The following FAM81B variants were observed in gnomAD, a reference collection of about 807,000 sequenced individuals.
FAM81B encodes protein FAM81B.
In FAM81B, 60 loss-of-function variants were observed where a neutral mutation model predicts 58.7. The ratio of observed to expected loss-of-function variants is 1.02; its 90% CI spans 0.83 to 1.27. The LOEUF (loss-of-function observed/expected upper bound fraction) is 1.27, where lower values mean the gene tolerates loss of function less well. Ranked by LOEUF, FAM81B falls within the 50% of genes most tolerant of loss-of-function variation. FAM81B has a pLI of 0.00. For missense variants in FAM81B, 491 were observed against 522.0 expected (o/e 0.94, Z 0.58); for synonymous variants, 189 against 179.6 (o/e 1.05, Z -0.42).
At chr5:95,420,496 T>G in intron 5 of FAM81B, 94 bp downstream of exon 5, 3 of 1,537,838 alleles carry the variant, frequency 2.0e-6, no homozygotes, top group Non-Finnish European at 2.7e-6. Flanking sequence ...AAAAAAGATA[T>G]TGTCTACACA....
chr5:95,430,558 TC>T (rs1744835076), intron 6 of FAM81B, among the ~76,000 whole-genome samples: 1 of 152,050 alleles, frequency 6.6e-6, no homozygotes, highest in Admixed American at 6.6e-5. Context: ...AGTTAACTGC[TC>T]TTGCATAGAT....
chr5:95,409,088 T>G lies in FAM81B; in HGVS notation c.294-4859T>G, dbSNP rs184424878. 2.0e-5 allele frequency among the ~76,000 whole-genome samples: 3 copies of G among 152,384 alleles called. No individual in the cohort carries two copies. In the East Asian group the frequency reaches 5.8e-4, roughly 29 times the overall value. ...TAAAAAGTTCACATTGATTACATGT[T>G]ACAATGACATTTTAGATATAACGGT... is the stretch of plus-strand genomic sequence containing the variant. On this transcript the variant is annotated intron_variant, in intron 3 of 9. Transcript: ENST00000283357.
chr5:95,422,894 A>G (rs983484291), intron 5 of FAM81B, among the ~76,000 whole-genome samples: 3 of 152,192 alleles, frequency 2.0e-5, no homozygotes, highest in Non-Finnish European at 4.4e-5. Flanking sequence ...CCCTTCAATC[A>G]AAAGCAGTGA....
Position 95,408,984 on chromosome 5 carries a change from T to C in FAM81B, c.294-4963T>C, listed in dbSNP as rs899359812. On this transcript the variant is annotated intron_variant, in intron 3 of 9. Coordinates refer to ENST00000283357, the MANE Select transcript of FAM81B (RefSeq NM_152548.3). ...GCACTTGAAATGTGGCTAGTCCAAATTGAGAAGTTGTGCTATAAGTGTATA... is the reference window on the plus strand; with the variant it reads ...GCACTTGAAATGTGGCTAGTCCAAACTGAGAAGTTGTGCTATAAGTGTATA... Among the ~76,000 whole-genome samples, 11 of 152,168 alleles carry C rather than the reference T, an allele frequency of 7.2e-5. No individual in the cohort carries two copies. The South Asian group carries it at 1.2e-3, about 17-fold the overall frequency.
chr5:95,448,226 C>T (rs1745656468), intron 8 of FAM81B, 43 bp from the exon 9 acceptor site: 1 of 1,510,940 alleles, frequency 6.6e-7, no homozygotes, highest in African/African-American at 1.4e-5. Flanking sequence ...AAAGATAAAT[C>T]CATGTACATT....
intron 6 of FAM81B, 63 bp from the exon 7 acceptor site, chr5:95,436,737 G>T (rs888943966): frequency 8.6e-6 from 9 of 1,047,490 alleles, no homozygotes; most frequent in African/African-American, 1.6e-5. Context: ...AAGGAATAAA[G>T]TATATTAATG....
intron 7 of FAM81B, chr5:95,440,019 TAA>T (rs1745269672): frequency 2.6e-6 from 1 of 378,274 alleles, no homozygotes; most frequent in African/African-American, 2.1e-5. Flanking sequence ...ACCTGGTCTC[TAA>T]AAAAGTCTTT....
chr5:95,399,018 AAAGGAGGCC>A (rs905699579), intron 3 of FAM81B, among the ~76,000 whole-genome samples: 2 of 152,208 alleles, frequency 1.3e-5, no homozygotes, highest in Non-Finnish European at 2.9e-5. Flanking sequence ...TCCTGAACAA[AAAGGAGGCC>A]AAGGAACTGA....
chr5:95,397,675 T>C (rs990474624), intron 3 of FAM81B, among the ~76,000 whole-genome samples: 7 of 152,216 alleles, frequency 4.6e-5, no homozygotes, highest in African/African-American at 1.7e-4. Context: ...GAAGAAATAG[T>C]CTATAATGCA....
intron 5 of FAM81B, among the ~76,000 whole-genome samples, chr5:95,425,174 CAA>C (rs397948199): frequency 7.9e-6 from 1 of 127,238 alleles, no homozygotes. Flanking sequence ...ACGAATTCTT[CAA>C]AAAAAAAAAA....
intron 4 of FAM81B, among the ~76,000 whole-genome samples, chr5:95,419,455 C>T (rs1330829910): frequency 6.6e-6 from 1 of 152,160 alleles, no homozygotes; most frequent in African/African-American, 2.4e-5. Context: ...TATGTCTTCA[C>T]TCTACATTGG....
intron 7 of FAM81B, among the ~76,000 whole-genome samples, chr5:95,441,779 C>T (rs2152769994): frequency 6.6e-6 from 1 of 152,298 alleles, no homozygotes; most frequent in South Asian, 2.1e-4. Context: ...AAGACATGCA[C>T]TGAACCCCTC....
intron 8 of FAM81B, 124 bp from the exon 9 acceptor site, chr5:95,448,145 C>A: frequency 1.2e-6 from 1 of 869,492 alleles, no homozygotes; most frequent in Non-Finnish European, 1.7e-6. Flanking sequence ...GTTTTAGATA[C>A]AAAGGAACTT....
Position 95,438,563 on chromosome 5 carries a change from A to G in FAM81B, c.893+1657A>G, listed in dbSNP as rs559255960. Among the ~76,000 whole-genome samples the G allele has an allele frequency of 4.6e-5, 7 of 152,286 alleles. No individual in the cohort carries two copies. The East Asian group carries it at 1.3e-3, about 29-fold the overall frequency. On this transcript the variant is annotated intron_variant, in intron 7 of 9. Coordinates refer to ENST00000283357, the MANE Select transcript of FAM81B (RefSeq NM_152548.3). ...CTTATGGAAAGTCATCTGAGTAGTT[A>G]AATCTGAATCTGGACACTTTTATAA...
In FAM81B at chr5:95,411,685, G is replaced by A. The variant is rs563596054; in HGVS notation, c.294-2262G>A. On this transcript the variant is annotated intron_variant, in intron 3 of 9. Transcript: ENST00000283357. ...TCCAAAACTTCAATGAGTCACTACGGCATATGCAATTGCACAAAGAGCTGA... is the reference window on the plus strand; with the variant it reads ...TCCAAAACTTCAATGAGTCACTACGACATATGCAATTGCACAAAGAGCTGA... Among the ~76,000 whole-genome samples the A allele has an allele frequency of 9.2e-4, 140 of 152,224 alleles. No individual in the cohort carries two copies. In the Middle Eastern group the frequency reaches 0.01, roughly 11 times the overall value.
intron 5 of FAM81B, among the ~76,000 whole-genome samples, chr5:95,428,098 T>C (rs1324848560): frequency 6.6e-6 from 1 of 152,174 alleles, no homozygotes; most frequent in African/African-American, 2.4e-5. Flanking sequence ...CGGTGAGAAA[T>C]TGGAGAAGAT....
intron 2 of FAM81B, among the ~76,000 whole-genome samples, chr5:95,394,443 C>T (rs762673305): frequency 1.3e-5 from 2 of 152,024 alleles, no homozygotes; most frequent in South Asian, 2.1e-4. Context: ...CCACACAGAC[C>T]AGAGGGAGCA....
intron 5 of FAM81B, among the ~76,000 whole-genome samples, 173 bp downstream of exon 5, chr5:95,420,575 G>A (rs1209321148): frequency 1.3e-5 from 2 of 152,214 alleles, no homozygotes; most frequent in African/African-American, 2.4e-5. Flanking sequence ...CACGCTAGCG[G>A]TGAGATTCAA....
intron 5 of FAM81B, chr5:95,424,210 A>G (rs1336226889): frequency 1.6e-6 from 2 of 1,289,822 alleles, no homozygotes; most frequent in South Asian, 2.5e-5. Flanking sequence ...ACATTCAAAG[A>G]CATAATAGTT....
Sources: gnomAD v4.1 joint callset for allele counts (sites outside exome capture counted in the v4.1 genomes callset) on GRCh38, gnomAD v4.1.1 for gene constraint, MANE v1.5 for transcripts, NCBI Gene and HGNC (gene_info 2026-07-23, HGNC 2026-07-21) for gene names.